The following SNX18 variants were observed in gnomAD, a reference collection of about 807,000 sequenced individuals.
SNX18 encodes the protein sorting nexin 18.
SNX18 carries 35 observed loss-of-function variants against 48.7 expected under a neutral mutation model. The ratio of observed to expected loss-of-function variants is 0.72; its 90% CI spans 0.55 to 0.95. The LOEUF is 0.95. SNX18 is among the 40% of genes least tolerant of loss of function. The pLI is 0.00. For missense variants in SNX18, 824 were observed against 871.0 expected, an observed-to-expected ratio of 0.95 and a Z score of 0.68; for synonymous variants, 492 against 384.7, an observed-to-expected ratio of 1.28 and a Z score of -3.26.
intron 1 of SNX18, among the ~76,000 whole-genome samples, chr5:54,528,139 T>TAC (rs10554517): frequency 0.24 from 36,504 of 150,086 alleles, 4,647 homozygotes; most frequent in Non-Finnish European, 0.28. Context: ...TACACGCACA[T>TAC]ACACACACAC....
At chr5:54,594,351 A>T in the SNX18 span, among the ~76,000 whole-genome samples, 1 of 152,196 alleles carries the variant, frequency 6.6e-6, no homozygotes, top group African/African-American at 2.4e-5. Flanking sequence ...GCATTTGTCA[A>T]AACTCATGAG....
At chr5:54,622,688 G>C in the SNX18 span, among the ~76,000 whole-genome samples, 1 of 150,648 alleles carries the variant, frequency 6.6e-6, no homozygotes, top group Non-Finnish European at 1.5e-5. Flanking sequence ...ACACCTGTTA[G>C]CTAAAAGCTT....
At chr5:54,596,303 G>C in the SNX18 span, among the ~76,000 whole-genome samples, 1 of 152,016 alleles carries the variant, frequency 6.6e-6, no homozygotes, top group Non-Finnish European at 1.5e-5. Context: ...CCCGTCTGAG[G>C]GCCAGCACTA....
At chr5:54,598,676 C>T in the SNX18 span, among the ~76,000 whole-genome samples, 3 of 152,138 alleles carry the variant, frequency 2.0e-5, no homozygotes, top group African/African-American at 7.2e-5. Context: ...TGATAAAATT[C>T]AGCATCCCTT....
Position 54,517,786 on chromosome 5 carries a change from C to T in SNX18, c.-167C>T, listed in dbSNP as rs1761891710. The T allele has an allele frequency of 3.5e-6, 2 of 566,024 alleles. No homozygotes were observed. Among genetic ancestry groups the T allele is most frequent in the Non-Finnish European group, 5.1e-6 (2 of 389,036 alleles). The allele number at this position is 566,024 out of a possible 1,614,324, so 35.1% of individuals were successfully genotyped here. The stretch of plus-strand genomic sequence containing the variant: ...TCGGCGCTGCGAAGTGGAGGCGCTG[C>T]GAGCGGAGCCGCGCGGAGGGCGCGA... On this transcript the variant is annotated 5_prime_UTR_variant, in exon 1 of 2. Transcript: ENST00000381410.
the SNX18 span, chr5:54,645,283 C>T: frequency 1.3e-5 from 2 of 152,148 alleles, no homozygotes; most frequent in Non-Finnish European, 2.9e-5. Context: ...TACCTGGCAC[C>T]AGAGAAGTAA....
the SNX18 span, among the ~76,000 whole-genome samples, chr5:54,603,129 G>A: frequency 2.6e-4 from 40 of 151,596 alleles, no homozygotes; most frequent in African/African-American, 5.8e-4. Flanking sequence ...TGGTATCTGC[G>A]TATAATTTAT....
At chr5:54,599,975 A>T in the SNX18 span, among the ~76,000 whole-genome samples, 5 of 152,324 alleles carry the variant, frequency 3.3e-5, no homozygotes, top group African/African-American at 9.6e-5. Flanking sequence ...CAAAAGCAAA[A>T]ATTGACAAAT....
intron 1 of SNX18, among the ~76,000 whole-genome samples, chr5:54,533,012 G>A (rs2112849406): frequency 6.6e-6 from 1 of 152,254 alleles, no homozygotes; most frequent in East Asian, 1.9e-4. Context: ...TTATAACAAT[G>A]CTTTTACCTG....
intron 1 of SNX18, among the ~76,000 whole-genome samples, chr5:54,536,390 C>G (rs1434791781): frequency 2.0e-5 from 3 of 149,272 alleles, no homozygotes; most frequent in Non-Finnish European, 4.4e-5. Context: ...CTCCCCCAAC[C>G]CCACGACAGG....
chr5:54,628,608 C>T, the SNX18 span, among the ~76,000 whole-genome samples: 1 of 152,180 alleles, frequency 6.6e-6, no homozygotes, highest in Non-Finnish European at 1.5e-5. Context: ...CCTCTAGTCC[C>T]CTCTCCAGGC....
chr5:54,578,332 C>T, the SNX18 span, among the ~76,000 whole-genome samples: 2 of 152,342 alleles, frequency 1.3e-5, no homozygotes, highest in Admixed American at 1.3e-4. Flanking sequence ...TGACCAGAGA[C>T]AGGAGATAGA....
the SNX18 span, among the ~76,000 whole-genome samples, chr5:54,587,749 A>G: frequency 6.6e-6 from 1 of 152,216 alleles, no homozygotes; most frequent in African/African-American, 2.4e-5. Context: ...ATTGCTTTCA[A>G]TTCAGATGGT....
At chr5:54,548,105 T>G (rs1405405520), downstream of SNX18, among the ~76,000 whole-genome samples, 1 of 152,044 alleles carries the variant, frequency 6.6e-6, no homozygotes, top group Admixed American at 6.5e-5. Context: ...GGATCACAAG[T>G]CCTCCCTACT....
intron 1 of SNX18, among the ~76,000 whole-genome samples, chr5:54,528,107 G>A (rs1391539513): frequency 6.7e-6 from 1 of 150,212 alleles, no homozygotes; most frequent in African/African-American, 2.5e-5. Context: ...ATTGATTCTT[G>A]GTGTTTAAAC....
downstream of SNX18, among the ~76,000 whole-genome samples, chr5:54,549,394 G>A (rs1381574336): frequency 6.6e-6 from 1 of 152,148 alleles, no homozygotes; most frequent in Non-Finnish European, 1.5e-5. Flanking sequence ...GCCCACCTGG[G>A]TCACAGGACC....
At chr5:54,591,796 C>G in the SNX18 span, among the ~76,000 whole-genome samples, 6 of 152,176 alleles carry the variant, frequency 3.9e-5, no homozygotes, top group African/African-American at 1.4e-4. Context: ...GACAGAGGTG[C>G]CACAAGAGCA....
chr5:54,617,754 G>A, the SNX18 span, among the ~76,000 whole-genome samples: 1 of 151,870 alleles, frequency 6.6e-6, no homozygotes, highest in Non-Finnish European at 1.5e-5. Flanking sequence ...AGAGACAGAT[G>A]TCTCGCTATG....
the SNX18 span, among the ~76,000 whole-genome samples, chr5:54,636,452 A>G: frequency 6.6e-6 from 1 of 152,074 alleles, no homozygotes; most frequent in South Asian, 2.1e-4. Flanking sequence ...ATTGAGTTGT[A>G]TGCATAACGG....
Sources: allele counts gnomAD v4.1 joint callset (sites outside exome capture counted in the v4.1 genomes callset), GRCh38; gene constraint gnomAD v4.1.1; transcripts MANE v1.5; gene names NCBI Gene and HGNC (gene_info 2026-07-23, HGNC 2026-07-21).